Variants in CLEC16A observed in about 807,000 individuals in gnomAD.
CLEC16A encodes protein CLEC16A.
In CLEC16A, 51 loss-of-function variants were observed where a neutral mutation model predicts 109.5. That is an observed-to-expected ratio of 0.47 (90% CI 0.37 to 0.59). The LOEUF (loss-of-function observed/expected upper bound fraction) is 0.59. Ranked by LOEUF, CLEC16A falls within the 20% of genes least tolerant of loss-of-function variation. The probability of loss-of-function intolerance (pLI) is 0.00; values close to 1 mark genes in which losing one functional copy is unlikely to be tolerated. For synonymous variants in CLEC16A, 673 were observed against 564.2 expected (o/e 1.19, Z -2.73); for missense variants, 1,339 against 1,394.0 (o/e 0.96, Z 0.63).
At chr16:10,965,620 A>G (rs1228023711) in intron 3 of CLEC16A, among the ~76,000 whole-genome samples, 3 of 152,236 alleles carry the variant, frequency 2.0e-5, no homozygotes, top group Non-Finnish European at 4.4e-5. Context: ...ATTACAAGCT[A>G]CCATTTCACA....
intron 19 of CLEC16A, among the ~76,000 whole-genome samples, chr16:11,092,376 A>ACACACACG (rs1437525367): frequency 6.8e-6 from 1 of 146,902 alleles, no homozygotes; most frequent in Non-Finnish European, 1.5e-5. Flanking sequence ...ACACACACAC[A>ACACACACG]CACACACACA....
chr16:11,010,765 G>T (rs1274802846), intron 11 of CLEC16A, among the ~76,000 whole-genome samples: 1 of 152,178 alleles, frequency 6.6e-6, no homozygotes, highest in Admixed American at 6.5e-5. Context: ...TCCAGAGGCG[G>T]GTGGTGCCTT....
chr16:10,953,820 C>T (rs2041852528), intron 1 of CLEC16A, among the ~76,000 whole-genome samples: 1 of 152,120 alleles, frequency 6.6e-6, no homozygotes, highest in Admixed American at 6.5e-5. Flanking sequence ...ACTAAAAATA[C>T]AAAACAATTA....
intron 19 of CLEC16A, among the ~76,000 whole-genome samples, chr16:11,074,637 A>G (rs898224909): frequency 2.6e-5 from 4 of 152,188 alleles, no homozygotes; most frequent in East Asian, 3.8e-4. Flanking sequence ...TAAACTTACA[A>G]TCATAATTGA....
chr16:11,024,948 C>T (rs748722054), intron 13 of CLEC16A, 27 bp downstream of exon 13: 10 of 1,502,552 alleles, frequency 6.7e-6, no homozygotes, highest in Non-Finnish European at 9.2e-6. Flanking sequence ...TGCCTGACTT[C>T]CTTGCTGGGC....
chr16:11,075,055 C>T (rs981082593), intron 19 of CLEC16A, among the ~76,000 whole-genome samples: 5 of 152,158 alleles, frequency 3.3e-5, no homozygotes, highest in African/African-American at 1.2e-4. Flanking sequence ...TGCACCACTG[C>T]ACTCCGGCCT....
At position 11,174,029 on chromosome 16, in the gene CLEC16A, T is replaced by A. The variant is rs539221361; in HGVS notation, c.2807-4306T>A. On this transcript the variant is annotated intron_variant, in intron 23 of 23. Coordinates refer to ENST00000409790, the MANE Select transcript of CLEC16A (RefSeq NM_015226.3). This position sits in a 1 kb window ranked among gnomAD's most constrained non-coding sequence, Gnocchi z 4.7. Reference sequence around the variant, plus strand: ...GTGGCCACAAGCCCATGCTGGGCACTGCCCCACGACCCTCGCCCCTCGTCA... The same window carrying A: ...GTGGCCACAAGCCCATGCTGGGCACAGCCCCACGACCCTCGCCCCTCGTCA... 170 of 368,368 alleles carry A rather than the reference T, an allele frequency of 4.6e-4. 2 individuals carry two copies. Among genetic ancestry groups the A allele is most frequent in the South Asian group, 3.2e-3 (166 of 51,180 alleles). The allele number at this position is 368,368 out of a possible 1,614,324, so 22.8% of individuals were successfully genotyped here.
intron 23 of CLEC16A, among the ~76,000 whole-genome samples, chr16:11,166,988 A>G (rs1264708275): frequency 6.6e-6 from 1 of 151,998 alleles, no homozygotes; most frequent in Non-Finnish European, 1.5e-5. Flanking sequence ...GGTGCGGTCC[A>G]GTTGTTCGAG....
intron 22 of CLEC16A, among the ~76,000 whole-genome samples, chr16:11,131,203 C>T (rs1459803232): frequency 5.3e-5 from 8 of 152,202 alleles, no homozygotes; most frequent in Non-Finnish European, 1.0e-4. Context: ...CTAGCCTGAG[C>T]ACTCTGTGGC....
intron 14 of CLEC16A, 84 bp downstream of exon 14, chr16:11,039,960 A>C: frequency 6.7e-7 from 1 of 1,491,356 alleles, no homozygotes; most frequent in Non-Finnish European, 9.0e-7. Context: ...CCTGGGTGCT[A>C]GGCCTGAGCC....
At chr16:11,033,850 A>C (rs1211802048) in intron 13 of CLEC16A, among the ~76,000 whole-genome samples, 1 of 152,244 alleles carries the variant, frequency 6.6e-6, no homozygotes, top group East Asian at 1.9e-4. Flanking sequence ...GTTGGGCCAC[A>C]TAATGAATTC....
chr16:11,112,495 CAA>C (rs984574100), intron 19 of CLEC16A, among the ~76,000 whole-genome samples: 54 of 85,584 alleles, frequency 6.3e-4, no homozygotes, highest in Admixed American at 1.1e-3. Context: ...CCTATCTCTA[CAA>C]AAAAAAAAAA....
intron 10 of CLEC16A, among the ~76,000 whole-genome samples, chr16:10,997,328 G>T (rs1411370157): frequency 1.3e-5 from 2 of 152,162 alleles, no homozygotes; most frequent in Non-Finnish European, 2.9e-5. Flanking sequence ...AGTAATCTTA[G>T]ATGTACTGCT....
At chr16:11,110,258 C>T (rs779274681) in intron 19 of CLEC16A, among the ~76,000 whole-genome samples, 3 of 152,218 alleles carry the variant, frequency 2.0e-5, no homozygotes, top group Non-Finnish European at 2.9e-5. Context: ...GAGGGTACAG[C>T]AGCTAGTGAT....
intron 3 of CLEC16A, among the ~76,000 whole-genome samples, chr16:10,964,430 C>T (rs896979224): frequency 1.1e-4 from 16 of 152,234 alleles, no homozygotes; most frequent in African/African-American, 3.9e-4. Flanking sequence ...ACACTGGCTC[C>T]CTGCACGTGC....
chr16:11,059,362 T>C (rs545643483), intron 18 of CLEC16A, among the ~76,000 whole-genome samples: 1 of 152,316 alleles, frequency 6.6e-6, no homozygotes, highest in East Asian at 1.9e-4. Flanking sequence ...AGCTGATCTT[T>C]CTCCAGTGCT....
chr16:11,100,588 G>A (rs1028109091), intron 19 of CLEC16A, among the ~76,000 whole-genome samples: 1 of 152,148 alleles, frequency 6.6e-6, no homozygotes, highest in Non-Finnish European at 1.5e-5. Context: ...CCTGCTTGGG[G>A]TCCTGGGAAT....
At chr16:11,055,656 C>T (rs140116526) in intron 18 of CLEC16A, among the ~76,000 whole-genome samples, 74 of 125,218 alleles carry the variant, frequency 5.9e-4, no homozygotes, top group East Asian at 2.6e-3. Context: ...GGCATGATCT[C>T]GGCTCACTGC....
chr16:11,018,646 G>A (rs1240672000), intron 11 of CLEC16A, among the ~76,000 whole-genome samples: 2 of 151,852 alleles, frequency 1.3e-5, no homozygotes, highest in Admixed American at 6.6e-5. Flanking sequence ...CTACTCAGGA[G>A]GCTGAGGCAG....
Sources: gnomAD v4.1 joint callset for allele counts (sites outside exome capture counted in the v4.1 genomes callset) on GRCh38, gnomAD v4.1.1 for gene constraint, Gnocchi (gnomAD v3.1) non-coding constraint, MANE v1.5 for transcripts, NCBI Gene and HGNC (gene_info 2026-07-23, HGNC 2026-07-21) for gene names.